The following COL5A3 variants were observed in gnomAD, a reference collection of about 807,000 sequenced individuals.
The protein encoded by COL5A3 is collagen alpha-3(V) chain.
In COL5A3, 172 loss-of-function variants were observed where a neutral mutation model predicts 250.0. The observed-to-expected ratio is 0.69, with a 90% CI of 0.61 to 0.78. COL5A3 has a LOEUF of 0.78. Among genes scored for constraint, COL5A3 ranks in the 30% least tolerant of loss-of-function variants. The probability of loss-of-function intolerance (pLI) is 0.00; values close to 1 mark genes in which losing one functional copy is unlikely to be tolerated. For missense variants in COL5A3, 2,340 were observed against 2,334.4 expected (o/e 1.00, Z -0.05); for synonymous variants, 937 against 900.4 (o/e 1.04, Z -0.73).
chr19:9,998,059 C>T (rs2087298256), intron 9 of COL5A3, 34 bp from the exon 10 acceptor site: 1 of 1,613,910 alleles, frequency 6.2e-7, no homozygotes, highest in Admixed American at 1.7e-5. Flanking sequence ...TGACCGCTGT[C>T]ATCATGAAGC....
Position 9,993,064 on chromosome 19 carries a change from C to T in COL5A3, c.1753G>A (p.Ala585Thr), listed in dbSNP as rs1179116687. The T allele has an allele frequency of 6.2e-7, 1 of 1,613,912 alleles. No individual in the cohort carries two copies. The highest frequency in any genetic ancestry group is 2.2e-5 in the East Asian group (1 of 44,872). Reference sequence around the variant, plus strand: ...CCAGTGGGCCCTGGAGGTCCCTCTGCTCCCTGTGGAAAAGCGTCATTACTT... The same window carrying T: ...CCAGTGGGCCCTGGAGGTCCCTCTGTTCCCTGTGGAAAAGCGTCATTACTT... ...GPPGEDGERGAEGPPGPTGQA... is the reference protein window; with the variant it reads ...GPPGEDGERGTEGPPGPTGQA... The change falls in exon 20 of 67, where the codon GCA becomes ACA. Residue 585 changes from alanine (A) to threonine (T), a missense_variant. This residue lies in a region of COL5A3 where 1,152 missense variants were observed against 1,146.3 expected (regional missense o/e 1.00). Transcript: ENST00000264828.
intron 31 of COL5A3, among the ~76,000 whole-genome samples, chr19:9,984,589 A>G (rs1296093865): frequency 6.6e-6 from 1 of 152,114 alleles, no homozygotes; most frequent in East Asian, 1.9e-4. Context: ...ATGAAACTTA[A>G]TCACACCAAA....
intron 1 of COL5A3, among the ~76,000 whole-genome samples, chr19:10,008,885 T>C (rs1207120742): frequency 6.6e-6 from 1 of 152,062 alleles, no homozygotes; most frequent in Non-Finnish European, 1.5e-5. Flanking sequence ...GTTGTGAATG[T>C]TGACAGTGTT....
intron 8 of COL5A3, among the ~76,000 whole-genome samples, chr19:10,000,257 C>G (rs1402117358): frequency 1.3e-5 from 2 of 152,020 alleles, no homozygotes; most frequent in Admixed American, 6.6e-5. Context: ...ATCAAGCCAC[C>G]GAGCTTGGGT....
chr19:9,996,554 AGGCCCCCTCCT>A, intron 12 of COL5A3, 38 bp from the exon 13 acceptor site: 1 of 1,609,688 alleles, frequency 6.2e-7, no homozygotes, highest in Non-Finnish European at 8.5e-7. Context: ...CCCCCAGGAG[AGGCCCCCTCCT>A]GGATCAGGAC....
intron 64 of COL5A3, among the ~76,000 whole-genome samples, chr19:9,965,698 C>A (rs2336497): frequency 0.2 from 29,720 of 151,860 alleles, 3,097 homozygotes; most frequent in South Asian, 0.33. Context: ...GGTGATCTGC[C>A]CCCGCTTGGC....
rs867460222 is a variant in COL5A3 at position 9,974,131 on chromosome 19, C to T, written c.3504+40G>A. 3 of 1,601,808 alleles carry T rather than the reference C, an allele frequency of 1.9e-6. No homozygotes were observed. In the Middle Eastern group the frequency reaches 5.0e-4, roughly 267 times the overall value. On this transcript the variant is annotated intron_variant, in intron 47 of 66. Coordinates refer to ENST00000264828, the MANE Select transcript of COL5A3 (RefSeq NM_015719.4). ...AATGCCTGCCGCCAACCTATAACCC[C>T]ACCATCCTCCCCCTCCCACCTTCCT...
chr19:9,983,372 C>T (rs531373816), intron 31 of COL5A3, among the ~76,000 whole-genome samples: 1 of 151,838 alleles, frequency 6.6e-6, no homozygotes, highest in East Asian at 2.0e-4. Context: ...TGGTGCGCAC[C>T]TGTTGTTCCC....
rs759399837 is a variant in COL5A3 at position 9,974,403 on chromosome 19, T to A, written c.3348A>T (p.Ala1116=). The part of the protein sequence containing the change: ...GPAGHPGPPG[A]DGAQGRRGPP... ...GTCCCCGGCGCCCCTGAGCCCCGTC[T>A]GCTCCCTGGAAGAACACAAACAGGG... The change falls in exon 46 of 67, where the codon GCA becomes GCT. Residue 1116 remains alanine, a synonymous_variant. Transcript: ENST00000264828. 2 of 1,592,996 alleles carry A rather than the reference T, an allele frequency of 1.3e-6. No homozygotes were observed. Among genetic ancestry groups the A allele is most frequent in the Admixed American group, 3.6e-5 (2 of 55,172 alleles).
Position 9,989,228 on chromosome 19 carries a change from T to C in COL5A3, c.2092-51A>G, listed in dbSNP as rs370389815. ...ATTCTAGACAGTCCCTTCCACATTC[T>C]AAGAGCCCTCATCTCTCTCCTCTGT... On this transcript the variant is annotated intron_variant, in intron 26 of 66. Transcript: ENST00000264828. 721 of 1,612,178 alleles carry C rather than the reference T, an allele frequency of 4.5e-4. 1 individual carries two copies. The highest frequency in any genetic ancestry group is 1.8e-3 in the South Asian group (162 of 91,034).
rs1466297944 is a variant in COL5A3, at chr19:10,009,482, C to T, written c.88+816G>A. Among the ~76,000 whole-genome samples, 2 of 144,562 alleles carry T rather than the reference C, an allele frequency of 1.4e-5. No homozygotes were observed. Among genetic ancestry groups the T allele is most frequent in the South Asian group, 2.5e-4 (1 of 3,990 alleles). The allele number at this position is 144,562 out of a possible 152,430, so 94.8% of individuals were successfully genotyped here. On this transcript the variant is annotated intron_variant, in intron 1 of 66. Transcript: ENST00000264828. This position sits in a 1 kb window ranked among gnomAD's most constrained non-coding sequence, Gnocchi z 4.4. Reference sequence around the variant, plus strand: ...GGAAAAACACCCAAGGCTCCAGCAGCTGGGGTGGGGAGGGGGGGAGCAACT... The same window carrying T: ...GGAAAAACACCCAAGGCTCCAGCAGTTGGGGTGGGGAGGGGGGGAGCAACT...
rs894508905 is a variant in COL5A3, at chr19:10,005,632, G to A, written c.520C>T (p.His174Tyr). 3 of 1,613,996 alleles carry A rather than the reference G, an allele frequency of 1.9e-6. No homozygotes were observed. The African/African-American group carries it at 4.0e-5, about 22-fold the overall frequency. ...DCEAQPPVLGHGPRFISIAGL... is the reference protein window; with the variant it reads ...DCEAQPPVLGYGPRFISIAGL... ...GCTATGCTGATGAAGCGGGGGCCAT[G>A]GCCCAAAACAGGGGGCTGAGCTTCA... Residue 174 changes from histidine to tyrosine, a missense_variant, in exon 4 of 67, where the codon CAT (histidine) becomes TAT (tyrosine). Around this residue, in one of 3 missense-constraint regions of COL5A3, gnomAD observed 1,152 missense variants for 1,146.3 expected, o/e 1.00. Transcript: ENST00000264828.
intron 27 of COL5A3, 41 bp downstream of exon 27, chr19:9,989,083 A>G (rs1259569777): frequency 6.2e-7 from 1 of 1,605,202 alleles, no homozygotes; most frequent in Admixed American, 1.7e-5. Flanking sequence ...GCCTGAACCC[A>G]AAGCTGGTAA....
At position 10,001,508 on chromosome 19, in the gene COL5A3, C is replaced by T. The variant is rs370912202; in HGVS notation, c.1110+16G>A. On this transcript the variant is annotated intron_variant, in intron 8 of 66. Transcript: ENST00000264828. ...CCCACTCTCTTGCACCTAACCCCAG[C>T]CACCTAGAAACTCACAGGAAAGATC... 43 of 1,612,246 alleles carry T rather than the reference C, an allele frequency of 2.7e-5. No homozygotes were observed. The African/African-American group carries it at 3.7e-4, about 14-fold the overall frequency.
rs1393313621 is a variant in COL5A3 at position 9,978,573 on chromosome 19, C to T, written c.3018+1G>A. ...CACCCAGCACATGGGGTTATACTTA[C>T]ATTGGCCCCCACGGGCCCTGGGGGG... On this transcript the variant is annotated splice_donor_variant, in intron 41 of 66. Coordinates refer to ENST00000264828, the MANE Select transcript of COL5A3 (RefSeq NM_015719.4). LOFTEE classifies it high-confidence loss of function. The T allele has an allele frequency of 6.3e-7, 1 of 1,578,476 alleles. No individual in the cohort carries two copies. The highest frequency in any genetic ancestry group is 8.6e-7 in the Non-Finnish European group (1 of 1,157,376).
chr19:9,969,753 A>G, intron 55 of COL5A3, 71 bp from the exon 56 acceptor site: 1 of 1,573,208 alleles, frequency 6.4e-7, no homozygotes, highest in Non-Finnish European at 8.7e-7. Context: ...GCCAAGAAGC[A>G]TCTGGGATCG....
At chr19:9,966,284 G>T (rs774683916) in intron 64 of COL5A3, 30 bp downstream of exon 64, 2 of 1,542,668 alleles carry the variant, frequency 1.3e-6, no homozygotes, top group African/African-American at 1.4e-5. Context: ...CACTTCCTGG[G>T]GGAGGCGATG....
chr19:9,964,847 T>C (rs1269271760), intron 64 of COL5A3, among the ~76,000 whole-genome samples: 4 of 88,600 alleles, frequency 4.5e-5, no homozygotes, highest in South Asian at 4.4e-4. Context: ...TGAAACCCCA[T>C]CTCTACTAAA....
chr19:9,961,779 C>T (rs997216901), intron 65 of COL5A3, among the ~76,000 whole-genome samples: 1 of 151,936 alleles, frequency 6.6e-6, no homozygotes, highest in Non-Finnish European at 1.5e-5. Flanking sequence ...AGGATGGTCT[C>T]GATCTCCTGA....
Sources: gnomAD v4.1 joint callset for allele counts (sites outside exome capture counted in the v4.1 genomes callset) on GRCh38, gnomAD v4.1.1 for gene constraint, gnomAD v4.1.1 regional missense constraint, Gnocchi (gnomAD v3.1) non-coding constraint, MANE v1.5 for transcripts, NCBI Gene and HGNC (gene_info 2026-07-23, HGNC 2026-07-21) for gene names.